EML3: variants seen among roughly 807,000 people sequenced by gnomAD.
EML3 encodes echinoderm microtubule-associated protein-like 3.
EML3 carries 53 observed loss-of-function variants against 106.7 expected under a neutral mutation model. The ratio of observed to expected loss-of-function variants is 0.50; its 90% CI spans 0.40 to 0.62. EML3 has a LOEUF of 0.62. Ranked by LOEUF, EML3 falls within the 20% of genes least tolerant of loss-of-function variation. The pLI is 0.00. For synonymous variants in EML3, 499 were observed against 489.6 expected (o/e 1.02, Z -0.25); for missense variants, 994 against 1,209.1 (o/e 0.82, Z 2.64).
rs368107661 is a variant in EML3 at position 62,605,818 on chromosome 11, C to T, written c.1782+37G>A. The stretch of plus-strand genomic sequence containing the variant: ...TCACTCCTGCCCCTCTCTCACACCC[C>T]TTTGTCCCTTCCTCCCCTGAGCCCT... On this transcript the variant is annotated intron_variant, in intron 14 of 21. Transcript: ENST00000394773. This position sits in a 1 kb window ranked among gnomAD's most constrained non-coding sequence, Gnocchi z 5.2. The T allele has an allele frequency of 1.7e-5, 28 of 1,611,384 alleles. No individual in the cohort carries two copies. The highest frequency in any genetic ancestry group is 2.3e-5 in the Non-Finnish European group (27 of 1,178,560).
Position 62,605,865 on chromosome 11 carries a change from G to A in EML3, c.1772C>T (p.Pro591Leu). Residue 591 changes from proline (P) to leucine (L), a missense_variant, in exon 14 of 22, where the codon CCT (proline) becomes CTT (leucine). By Grantham distance (98) the Pro-to-Leu change is moderately conservative. This residue lies in a region of EML3 where 713 missense variants were observed against 920.5 expected (regional missense o/e 0.77). Transcript: ENST00000394773. The surrounding 1 kb of genome is among the most constrained non-coding windows in gnomAD (Gnocchi z 5.2). ...LRGDLAQGFS[P>L]VIQGHTDELW... is the part of the protein sequence containing the mutation. ...CCCTTAACCCCCAACCTGGATTACA[G>A]GGGAGAAGCCCTGGGCCAGGTCTCC... The A allele has an allele frequency of 6.2e-7, 1 of 1,614,148 alleles. No homozygotes were observed.
chr11:62,611,137 A>G lies in EML3; in HGVS notation c.402T>C (p.Pro134=). 4.4e-6 allele frequency: 7 copies of G among 1,599,030 alleles called. No individual in the cohort carries two copies. The highest frequency in any genetic ancestry group is 5.9e-6 in the Non-Finnish European group (7 of 1,177,954). ...AGGGCCTGAGGATCCCCGGGGGGCC[A>G]GGGGAGCCAGCACCACTGCTGCTGC... ...GGSSSSGAGS[P]GPPGILRPLQ... Residue 134 remains proline (P), a synonymous_variant, in exon 3 of 22, where the codon CCT becomes CCC. Transcript: ENST00000394773.
At position 62,612,482 on chromosome 11, in the gene EML3, G is replaced by A; in HGVS notation, c.-25C>T. The A allele has an allele frequency of 7.1e-7, 1 of 1,413,448 alleles. No individual in the cohort carries two copies. Among genetic ancestry groups the A allele is most frequent in the Non-Finnish European group, 9.2e-7 (1 of 1,090,328 alleles). 87.6% of individuals were successfully genotyped at this position (1,413,448 alleles called of 1,614,324 possible). On this transcript the variant is annotated 5_prime_UTR_variant, in exon 1 of 22. Coordinates refer to ENST00000394773, the MANE Select transcript of EML3 (RefSeq NM_153265.3). ...TCCGGCCCCCGGGTTGCTCCGAGCG[G>A]CGGCGGCGGAGGAGGCGTCTAAGCC... is the stretch of plus-strand genomic sequence containing the variant.
In EML3 at chr11:62,611,697, G is replaced by A. The variant is rs1942838689; in HGVS notation, c.23-101C>T. On this transcript the variant is annotated intron_variant, in intron 1 of 21. Coordinates refer to ENST00000394773, the MANE Select transcript of EML3 (RefSeq NM_153265.3). ...AACTTTACATGTGTCCGGTAGGACT[G>A]CCCCTTTCAGGCAGCCCCAGGCTTG... 3.0e-6 allele frequency: 4 copies of A among 1,337,080 alleles called. No homozygotes were observed. In the South Asian group the frequency reaches 4.5e-5, roughly 15 times the overall value. 82.8% of individuals were successfully genotyped at this position (1,337,080 alleles called of 1,614,324 possible).
At chr11:62,606,296 G>T in intron 12 of EML3, 82 bp from the exon 13 acceptor site, 3 of 1,501,316 alleles carry the variant, frequency 2.0e-6, no homozygotes, top group Non-Finnish European at 2.7e-6. Context: ...TCGCAATACA[G>T]TAAGAACTCC....
In EML3 at chr11:62,604,317, C is replaced by T. The variant is rs1942405326; in HGVS notation, c.1983-116G>A. 5 of 757,590 alleles carry T rather than the reference C, an allele frequency of 6.6e-6. No individual in the cohort carries two copies. In the Admixed American group the frequency reaches 1.1e-4, roughly 16 times the overall value. 46.9% of individuals were successfully genotyped at this position (757,590 alleles called of 1,614,324 possible). On this transcript the variant is annotated intron_variant, in intron 16 of 21. Coordinates refer to ENST00000394773, the MANE Select transcript of EML3 (RefSeq NM_153265.3). ...ATGGCAAATAAGAGAAGCTCAGAGA[C>T]ACACACAGAAAGGCTCTGATGTAGA...
chr11:62,612,460 G>A lies in EML3; in HGVS notation c.-3C>T, dbSNP rs1396797955. The stretch of plus-strand genomic sequence containing the variant: ...CCGGGCCCCGCGGCCCCGTCCATCC[G>A]GCCCCCGGGTTGCTCCGAGCGGCGG... On this transcript the variant is annotated 5_prime_UTR_variant, in exon 1 of 22. Transcript: ENST00000394773. 4.8e-6 allele frequency: 7 copies of A among 1,456,702 alleles called. No individual in the cohort carries two copies. The highest frequency in any genetic ancestry group is 6.3e-6 in the Non-Finnish European group (7 of 1,112,596). 90.2% of individuals were successfully genotyped at this position (1,456,702 alleles called of 1,614,324 possible).
chr11:62,607,345 G>A (rs570831855), intron 11 of EML3: 152 of 447,860 alleles, frequency 3.4e-4, no homozygotes, highest in Middle Eastern at 1.8e-3. Context: ...AAAAAAAAAC[G>A]GGCATGATGG....
At position 62,605,229 on chromosome 11, in the gene EML3, G is replaced by A. The variant is rs780151666; in HGVS notation, c.1915-49C>T. 3.2e-6 allele frequency: 5 copies of A among 1,572,604 alleles called. No homozygotes were observed. Among genetic ancestry groups the A allele is most frequent in the East Asian group, 2.3e-5 (1 of 44,276 alleles). ...TCAAGATGATGTCTTTCTAGTGAGG[G>A]AACCAGAGTGAACCCCTTGTCCTCC... On this transcript the variant is annotated intron_variant, in intron 15 of 21. Transcript: ENST00000394773. This position sits in a 1 kb window ranked among gnomAD's most constrained non-coding sequence, Gnocchi z 5.2.
Position 62,612,629 on chromosome 11 carries a change from T to C in EML3, c.-172A>G. 1.8e-6 allele frequency: 1 copy of C among 546,306 alleles called. No individual in the cohort carries two copies. Among genetic ancestry groups the C allele is most frequent in the Middle Eastern group, 5.3e-4 (1 of 1,888 alleles). The allele number at this position is 546,306 out of a possible 1,614,324, so 33.8% of individuals were successfully genotyped here. On this transcript the variant is annotated 5_prime_UTR_variant, in exon 1 of 22. Coordinates refer to ENST00000394773, the MANE Select transcript of EML3 (RefSeq NM_153265.3). ...GGGAAGGGGCCTGGAGGGGGCGCTG[T>C]GGGCCCGGGGCCGCAGTCTCCAGAC...
chr11:62,611,495 G>A lies in EML3; in HGVS notation c.124C>T (p.Arg42Cys), dbSNP rs781492095. 6.2e-7 allele frequency: 1 copy of A among 1,613,762 alleles called. No individual in the cohort carries two copies. The highest frequency in any genetic ancestry group is 2.2e-5 in the East Asian group (1 of 44,884). ...GGGGGCACCTGCAGCCGCAGCAGGC[G>A]AAGGGCTTCTGCCAGGGCTGCCTTT... ...LVKAALAEAL[R>C]LLRLQVPPSS... is the part of the protein sequence containing the mutation. The change falls in exon 2 of 22, where the codon CGC (arginine) becomes TGC (cysteine). Residue 42 changes from arginine (R) to cysteine (C), a missense_variant. Arg to Cys is a radical substitution (Grantham distance 180). This residue lies in a region of EML3 where 269 missense variants were observed against 265.1 expected (regional missense o/e 1.01). Transcript: ENST00000394773.
chr11:62,611,289 C>A lies in EML3; in HGVS notation c.250G>T (p.Gly84Cys). 1.2e-6 allele frequency: 2 copies of A among 1,612,982 alleles called. No homozygotes were observed. The highest frequency in any genetic ancestry group is 1.7e-6 in the Non-Finnish European group (2 of 1,179,934). ...TCCACCTCTGTCTCCGTCTGGGTGC[C>A]TCGGCTCACCAAGGAAGGGGTGCAC... is the stretch of plus-strand genomic sequence containing the variant. ...PTCTPSLVSR[G>C]TQTETEVELK... Residue 84 changes from glycine to cysteine, a missense_variant, in exon 3 of 22, where the codon GGC (glycine) becomes TGC (cysteine). By Grantham distance (159) the Gly-to-Cys change is radical. Coordinates refer to ENST00000394773, the MANE Select transcript of EML3 (RefSeq NM_153265.3).
chr11:62,609,256 G>T, intron 6 of EML3, 98 bp downstream of exon 6: 1 of 1,550,400 alleles, frequency 6.4e-7, no homozygotes, highest in Middle Eastern at 1.8e-4. Context: ...GGATCTAGAA[G>T]GCTCCTTGTC....
intron 16 of EML3, 86 bp from the exon 17 acceptor site, chr11:62,604,287 T>C: frequency 8.7e-7 from 1 of 1,152,650 alleles, no homozygotes; most frequent in Non-Finnish European, 1.3e-6. Context: ...TGGGTAGGCT[T>C]GGGGATGGCA....
intron 12 of EML3, among the ~76,000 whole-genome samples, chr11:62,606,611 C>T (rs1244388700): frequency 6.6e-6 from 1 of 152,242 alleles, no homozygotes; most frequent in Non-Finnish European, 1.5e-5. Flanking sequence ...AATCCCAGCA[C>T]TTTGGGAGGC....
At chr11:62,604,904 G>T in intron 16 of EML3, 1 of 425,408 alleles carries the variant, frequency 2.4e-6, no homozygotes. Context: ...AGGCTTGGAG[G>T]AGACACTGGG....
At chr11:62,608,141 T>C (rs1942625419) in intron 10 of EML3, 60 bp downstream of exon 10, 1 of 1,485,772 alleles carries the variant, frequency 6.7e-7, no homozygotes. Context: ...TGGAGCTCCC[T>C]GCACTCCACC....
In EML3 at chr11:62,611,003, C is replaced by A; in HGVS notation, c.453-11G>T. 1 of 1,612,018 alleles carries A rather than the reference C, an allele frequency of 6.2e-7. No individual in the cohort carries two copies. Among genetic ancestry groups the A allele is most frequent in the South Asian group, 1.1e-5 (1 of 90,912 alleles). On this transcript the variant is annotated splice_polypyrimidine_tract_variant and intron_variant, in intron 3 of 21. Transcript: ENST00000394773. ...GAATTTCTTCGCGGCCTGGTGGGGG[C>A]ATAGTGAAGGTCATTCCCTCCAACT...
Position 62,604,185 on chromosome 11 carries a change from T to G in EML3, c.1999A>C (p.Thr667Pro). The G allele has an allele frequency of 5.0e-6, 8 of 1,613,678 alleles. No individual in the cohort carries two copies. The highest frequency in any genetic ancestry group is 6.8e-6 in the Non-Finnish European group (8 of 1,179,922). ...TCAGACACGATCTCTCTGGTCTCTG[T>G]GTCCAAAACCAACCACCTGGAAGGG... ...LNTGRWLVLD[T>P]ETREIVSDVI... Residue 667 changes from threonine (T) to proline (P), a missense_variant, in exon 17 of 22, where the codon ACA (threonine) becomes CCA (proline). Around this residue, in one of 3 missense-constraint regions of EML3, gnomAD observed 713 missense variants for 920.5 expected, o/e 0.77. Transcript: ENST00000394773.
Sources: allele counts gnomAD v4.1 joint callset (sites outside exome capture counted in the v4.1 genomes callset), GRCh38; gene constraint gnomAD v4.1.1; regional missense constraint gnomAD v4.1.1; non-coding constraint Gnocchi (gnomAD v3.1); transcripts MANE v1.5; gene names NCBI Gene and HGNC (gene_info 2026-07-23, HGNC 2026-07-21).